MTREX: variants seen among roughly 807,000 people sequenced by gnomAD.
The protein encoded by MTREX is Mtr4 exosome RNA helicase, also known as exosome RNA helicase MTR4.
In MTREX, 76 loss-of-function variants were observed where a neutral mutation model predicts 135.4. That is an observed-to-expected ratio of 0.56 (90% CI 0.47 to 0.68). The LOEUF is 0.68. Ranked by LOEUF, MTREX falls within the 30% of genes least tolerant of loss-of-function variation. The pLI is 0.00. For synonymous variants in MTREX, 404 were observed against 401.6 expected, an observed-to-expected ratio of 1.01 and a Z score of -0.07; for missense variants, 920 against 1,262.1, an observed-to-expected ratio of 0.73 and a Z score of 4.11.
At chr5:55,410,427 A>G in intron 22 of MTREX, 97 bp from the exon 23 acceptor site, 2 of 562,420 alleles carry the variant, frequency 3.6e-6, no homozygotes, top group Non-Finnish European at 6.2e-6. Context: ...TTAAGGTCAA[A>G]TAATATATTT....
chr5:55,408,327 C>G (rs886324740), intron 22 of MTREX, among the ~76,000 whole-genome samples: 1 of 152,122 alleles, frequency 6.6e-6, no homozygotes, highest in Non-Finnish European at 1.5e-5. Context: ...CCTCATAACA[C>G]TTGTATAAAT....
Position 55,408,863 on chromosome 5 carries a change from A to G in MTREX, c.2646-1661A>G, listed in dbSNP as rs1165934860. Among the ~76,000 whole-genome samples, 3 of 152,318 alleles carry G rather than the reference A, an allele frequency of 2.0e-5. No homozygotes were observed. The South Asian group carries it at 6.2e-4, about 32-fold the overall frequency. On this transcript the variant is annotated intron_variant, in intron 22 of 26. Transcript: ENST00000230640. ...ATGGTGAGATTGATTATATAAGCAA[A>G]GTCTCAGACCCTAAGTAAATTCTCA... is the stretch of plus-strand genomic sequence containing the variant.
rs1751085722 is a variant in MTREX, at chr5:55,423,314, T to G, written c.3076+332T>G. ...TAGACAATAAGTCAACAATTAAATT[T>G]ATCAGATGGTGATAAGTCTGTAAGA... On this transcript the variant is annotated intron_variant, in intron 26 of 26. Transcript: ENST00000230640. The G allele has an allele frequency of 2.6e-5, 6 of 234,130 alleles. No individual in the cohort carries two copies. In the South Asian group the frequency reaches 6.8e-4, roughly 26 times the overall value. 14.5% of individuals were successfully genotyped at this position (234,130 alleles called of 1,614,324 possible).
rs113461990 is a variant in MTREX, at chr5:55,399,467, G to T, written c.2293-766G>T. ...TAATCATGTTTTTCTTTAAGCTAAA[G>T]GTCTCAGGACCTTTTATTTTTTATT... On this transcript the variant is annotated intron_variant, in intron 20 of 26. Coordinates refer to ENST00000230640, the MANE Select transcript of MTREX (RefSeq NM_015360.5). Among the ~76,000 whole-genome samples the T allele has an allele frequency of 5.8e-3, 886 of 152,160 alleles. 8 individuals carry two copies. The highest frequency in any genetic ancestry group is 0.021 in the African/African-American group (853 of 41,516).
intron 22 of MTREX, among the ~76,000 whole-genome samples, chr5:55,408,806 A>G (rs1339105783): frequency 6.6e-6 from 1 of 152,186 alleles, no homozygotes; most frequent in African/African-American, 2.4e-5. Flanking sequence ...GATAAACACA[A>G]AGGGACAAAA....
intron 19 of MTREX, among the ~76,000 whole-genome samples, chr5:55,388,893 G>A (rs942757582): frequency 6.6e-6 from 1 of 152,126 alleles, no homozygotes; most frequent in African/African-American, 2.4e-5. Flanking sequence ...AAATGTCATT[G>A]TAATGATATT....
intron 23 of MTREX, among the ~76,000 whole-genome samples, chr5:55,413,313 G>A (rs867533420): frequency 2.0e-5 from 3 of 147,570 alleles, no homozygotes; most frequent in Admixed American, 6.9e-5. Context: ...CTCCAGCTGG[G>A]CAACAGAGCG....
intron 22 of MTREX, among the ~76,000 whole-genome samples, chr5:55,406,284 C>T (rs1467224318): frequency 6.6e-6 from 1 of 152,086 alleles, no homozygotes. Flanking sequence ...CCAGGATTGC[C>T]GTCAGACAGG....
intron 5 of MTREX, among the ~76,000 whole-genome samples, chr5:55,338,721 A>G (rs1315343918): frequency 6.7e-6 from 1 of 150,076 alleles, no homozygotes; most frequent in Non-Finnish European, 1.5e-5. Flanking sequence ...AGTCATCACA[A>G]ATCTGCTTAT....
chr5:55,397,342 T>A (rs1366646672), intron 19 of MTREX, 74 bp from the exon 20 acceptor site: 1 of 899,678 alleles, frequency 1.1e-6, no homozygotes. Context: ...TCTTTAGGGA[T>A]CCAAGTTTAG....
At chr5:55,352,552 A>G (rs891252495) in intron 13 of MTREX, among the ~76,000 whole-genome samples, 6 of 152,218 alleles carry the variant, frequency 3.9e-5, no homozygotes, top group African/African-American at 1.2e-4. Context: ...AAAAAAAGTC[A>G]TTATACTACC....
At chr5:55,409,960 A>G (rs1013141729) in intron 22 of MTREX, among the ~76,000 whole-genome samples, 1 of 152,180 alleles carries the variant, frequency 6.6e-6, no homozygotes, top group African/African-American at 2.4e-5. Context: ...CACACCTGTA[A>G]TCCCAGCATT....
chr5:55,323,991 T>C (rs1444010754), intron 2 of MTREX, 141 bp from the exon 3 acceptor site: 2 of 622,158 alleles, frequency 3.2e-6, no homozygotes, highest in Non-Finnish European at 5.8e-6. Flanking sequence ...TTTCTATGTA[T>C]TCTTAATAGC....
intron 1 of MTREX, among the ~76,000 whole-genome samples, chr5:55,308,563 A>G (rs1221792460): frequency 6.6e-6 from 1 of 152,162 alleles, no homozygotes; most frequent in East Asian, 1.9e-4. Flanking sequence ...AGGGAGAGAC[A>G]TTTAATCTCC....
intron 12 of MTREX, among the ~76,000 whole-genome samples, chr5:55,350,445 C>G (rs185449255): frequency 1.3e-5 from 2 of 152,102 alleles, no homozygotes; most frequent in African/African-American, 2.4e-5. Flanking sequence ...TTTGTTATAG[C>G]GCACTTCTAG....
At chr5:55,421,707 G>A (rs1040984139) in intron 25 of MTREX, among the ~76,000 whole-genome samples, 1 of 152,128 alleles carries the variant, frequency 6.6e-6, no homozygotes, top group Non-Finnish European at 1.5e-5. Context: ...AATGTGTCTG[G>A]CTCTTTAATG....
chr5:55,360,774 C>G (rs1229219758), intron 15 of MTREX, among the ~76,000 whole-genome samples: 5 of 152,064 alleles, frequency 3.3e-5, no homozygotes, highest in Admixed American at 6.6e-5. Context: ...CCTTTTTCCT[C>G]TAGGTTTTTT....
intron 22 of MTREX, 91 bp from the exon 23 acceptor site, chr5:55,410,429 AATAT>A: frequency 1.8e-6 from 1 of 568,842 alleles, no homozygotes; most frequent in East Asian, 2.9e-5. Flanking sequence ...AAGGTCAAAT[AATAT>A]ATTTTATTAA....
intron 5 of MTREX, among the ~76,000 whole-genome samples, chr5:55,334,622 T>C (rs1404642016): frequency 2.0e-5 from 3 of 152,150 alleles, no homozygotes; most frequent in Non-Finnish European, 4.4e-5. Flanking sequence ...TAAATTTATC[T>C]ATCATAAATA....
Sources: gnomAD v4.1 joint callset for allele counts (sites outside exome capture counted in the v4.1 genomes callset) on GRCh38, gnomAD v4.1.1 for gene constraint, MANE v1.5 for transcripts, NCBI Gene and HGNC (gene_info 2026-07-23, HGNC 2026-07-21) for gene names.